FAF1: variants seen among roughly 807,000 people sequenced by gnomAD.
FAF1 encodes the protein Fas associated factor 1, also known as FAS-associated factor 1.
FAF1 carries 25 observed loss-of-function variants against 92.5 expected under a neutral mutation model. The observed-to-expected ratio is 0.27, with a 90% confidence interval of 0.20 to 0.38. The LOEUF is 0.38. Among genes scored for constraint, FAF1 ranks in the 10% least tolerant of loss-of-function variants. The pLI, the probability that FAF1 is intolerant of heterozygous loss-of-function variation, is 1.00. For missense variants in FAF1, 636 were observed against 793.3 expected, an observed-to-expected ratio of 0.80 and a Z score of 2.38; for synonymous variants, 234 against 273.2, an observed-to-expected ratio of 0.86 and a Z score of 1.42.
At chr1:50,733,777 C>G (rs1659025865) in intron 6 of FAF1, among the ~76,000 whole-genome samples, 1 of 152,186 alleles carries the variant, frequency 6.6e-6, no homozygotes, top group South Asian at 2.1e-4. Context: ...GCTACCCAGT[C>G]TATGGTACTT....
At chr1:50,885,006 TTTTA>T (rs1283968295) in intron 1 of FAF1, among the ~76,000 whole-genome samples, 1 of 152,132 alleles carries the variant, frequency 6.6e-6, no homozygotes, top group African/African-American at 2.4e-5. Context: ...TCTTGGAAGG[TTTTA>T]TTTGTCTAGA....
intron 14 of FAF1, among the ~76,000 whole-genome samples, chr1:50,537,089 A>C (rs1198599223): frequency 6.6e-6 from 1 of 152,124 alleles, no homozygotes; most frequent in Admixed American, 6.6e-5. Context: ...CACCACACCT[A>C]ACCAATGTAG....
chr1:50,473,520 G>A (rs1646601669), intron 18 of FAF1, among the ~76,000 whole-genome samples: 1 of 152,100 alleles, frequency 6.6e-6, no homozygotes. Flanking sequence ...TGAGAACAAG[G>A]CTGATCTTGA....
chr1:50,582,737 T>C, intron 11 of FAF1, 38 bp from the exon 12 acceptor site: 1 of 1,277,972 alleles, frequency 7.8e-7, no homozygotes, highest in Non-Finnish European at 1.1e-6. Flanking sequence ...AAAATACTTT[T>C]CAAATTCACT....
chr1:50,498,410 T>G (rs773787230), intron 15 of FAF1, among the ~76,000 whole-genome samples: 1 of 152,124 alleles, frequency 6.6e-6, no homozygotes, highest in Non-Finnish European at 1.5e-5. Flanking sequence ...GAAATTACAC[T>G]TCATCAAAAT....
intron 3 of FAF1, among the ~76,000 whole-genome samples, chr1:50,799,753 C>T (rs1324925076): frequency 1.3e-5 from 2 of 152,168 alleles, no homozygotes; most frequent in African/African-American, 4.8e-5. Flanking sequence ...TATACACAGA[C>T]TGCATATATT....
chr1:50,543,900 T>C (rs868651926), intron 13 of FAF1, among the ~76,000 whole-genome samples: 14 of 152,208 alleles, frequency 9.2e-5, no homozygotes, highest in African/African-American at 3.4e-4. Flanking sequence ...ACTATTTTCT[T>C]TTAAATACAT....
At chr1:50,640,084 A>C (rs1448293060) in intron 8 of FAF1, among the ~76,000 whole-genome samples, 1 of 152,104 alleles carries the variant, frequency 6.6e-6, no homozygotes, top group Admixed American at 6.5e-5. Flanking sequence ...AAATGTGTTA[A>C]AATTTTTAAC....
At chr1:50,925,732 T>A (rs1350129390) in intron 1 of FAF1, among the ~76,000 whole-genome samples, 3 of 152,200 alleles carry the variant, frequency 2.0e-5, no homozygotes, top group African/African-American at 4.8e-5. Flanking sequence ...GATACAGCAA[T>A]CACACTACTG....
intron 1 of FAF1, among the ~76,000 whole-genome samples, chr1:50,903,702 G>C (rs376021571): frequency 1.1e-3 from 169 of 152,316 alleles, no homozygotes; most frequent in Non-Finnish European, 1.8e-3. Context: ...TAGTGATATT[G>C]TAATATACAT....
chr1:50,571,248 A>G (rs1156266332), intron 12 of FAF1, among the ~76,000 whole-genome samples: 1 of 152,234 alleles, frequency 6.6e-6, no homozygotes, highest in East Asian at 1.9e-4. Flanking sequence ...CTGGCAGACC[A>G]CAAAGGCAAA....
At chr1:50,790,103 C>T (rs1661507858) in intron 3 of FAF1, among the ~76,000 whole-genome samples, 1 of 152,054 alleles carries the variant, frequency 6.6e-6, no homozygotes, top group Admixed American at 6.6e-5. Flanking sequence ...TCTATGTCTC[C>T]ACTGGAATAT....
At chr1:50,939,578 G>C (rs1645113485) in intron 1 of FAF1, among the ~76,000 whole-genome samples, 1 of 152,126 alleles carries the variant, frequency 6.6e-6, no homozygotes, top group African/African-American at 2.4e-5. Flanking sequence ...GGAGTGGTGA[G>C]AGTAGGCATC....
intron 7 of FAF1, among the ~76,000 whole-genome samples, chr1:50,674,253 A>G (rs1314656730): frequency 2.0e-5 from 3 of 151,014 alleles, no homozygotes; most frequent in Non-Finnish European, 3.0e-5. Flanking sequence ...TCCGGGCCCC[A>G]AGGCAATTTT....
At chr1:50,753,909 C>T (rs527613186) in intron 4 of FAF1, among the ~76,000 whole-genome samples, 1 of 152,138 alleles carries the variant, frequency 6.6e-6, no homozygotes, top group African/African-American at 2.4e-5. Context: ...AGGGGTACGC[C>T]ACCATGCTCA....
chr1:50,637,045 T>C (rs1322155048), intron 8 of FAF1, among the ~76,000 whole-genome samples: 1 of 152,082 alleles, frequency 6.6e-6, no homozygotes, highest in African/African-American at 2.4e-5. Flanking sequence ...ACCTATTGAT[T>C]TATGTCTGTC....
chr1:50,512,148 A>G (rs1028536579), intron 15 of FAF1, among the ~76,000 whole-genome samples: 11 of 152,140 alleles, frequency 7.2e-5, no homozygotes, highest in African/African-American at 2.7e-4. Flanking sequence ...GCCCTTTGTC[A>G]GATGGACAGA....
At chr1:50,557,766 C>A (rs1290033064) in intron 13 of FAF1, among the ~76,000 whole-genome samples, 1 of 151,864 alleles carries the variant, frequency 6.6e-6, no homozygotes, top group Non-Finnish European at 1.5e-5. Context: ...AAAAGGTCTG[C>A]CGAAATATCA....
chr1:50,783,824 A>G (rs1661267878), intron 4 of FAF1, among the ~76,000 whole-genome samples: 1 of 152,056 alleles, frequency 6.6e-6, no homozygotes, highest in South Asian at 2.1e-4. Flanking sequence ...GCAGTGAACC[A>G]AGATCACACC....
Sources: allele counts gnomAD v4.1 joint callset (sites outside exome capture counted in the v4.1 genomes callset), GRCh38; gene constraint gnomAD v4.1.1; transcripts MANE v1.5; gene names NCBI Gene and HGNC (gene_info 2026-07-23, HGNC 2026-07-21).